Variants in KCTD16 observed in about 807,000 individuals in gnomAD.
KCTD16 encodes potassium channel tetramerization domain containing 16, also known as BTB/POZ domain-containing protein KCTD16.
Under a neutral mutation model 33.2 loss-of-function variants are expected in KCTD16, and 13 were observed. The observed-to-expected ratio is 0.39, with a 90% CI of 0.25 to 0.62. The LOEUF is 0.62. Ranked by LOEUF, KCTD16 falls within the 20% of genes least tolerant of loss-of-function variation. KCTD16 has a pLI of 0.50. For missense variants in KCTD16, 441 were observed against 525.1 expected, an observed-to-expected ratio of 0.84 and a Z score of 1.57; for synonymous variants, 197 against 195.3, an observed-to-expected ratio of 1.01 and a Z score of -0.07.
intron 3 of KCTD16, among the ~76,000 whole-genome samples, chr5:144,219,959 C>T (rs937452589): frequency 3.3e-5 from 5 of 152,318 alleles, no homozygotes; most frequent in South Asian, 4.1e-4. Flanking sequence ...TAACTCTGCA[C>T]TGTTACTACA....
At chr5:144,406,743 C>G (rs1414030891) in intron 3 of KCTD16, among the ~76,000 whole-genome samples, 3 of 152,168 alleles carry the variant, frequency 2.0e-5, no homozygotes. Context: ...GTTAAAGCTA[C>G]TGAAAAATGG....
chr5:144,472,570 C>T (rs552180753), intron 3 of KCTD16, among the ~76,000 whole-genome samples: 39 of 152,290 alleles, frequency 2.6e-4, no homozygotes, highest in African/African-American at 8.9e-4. Context: ...GCAAGACTAG[C>T]TTCAGGTGTG....
At chr5:144,473,547 A>G (rs1392002600) in intron 3 of KCTD16, 113 bp from the exon 4 acceptor site, 4 of 1,110,238 alleles carry the variant, frequency 3.6e-6, no homozygotes, top group Non-Finnish European at 5.1e-6. Context: ...TTCTAAAAGC[A>G]TGGTTCTGCG....
At chr5:144,296,257 A>G (rs1485086186) in intron 3 of KCTD16, among the ~76,000 whole-genome samples, 1 of 152,226 alleles carries the variant, frequency 6.6e-6, no homozygotes, top group African/African-American at 2.4e-5. Flanking sequence ...GGAGCCAGCA[A>G]TAGCATCTGC....
At chr5:144,303,543 G>A (rs946370867) in intron 3 of KCTD16, among the ~76,000 whole-genome samples, 1 of 152,176 alleles carries the variant, frequency 6.6e-6, no homozygotes, top group Non-Finnish European at 1.5e-5. Flanking sequence ...TTTCAAACAT[G>A]ATTAAGCTTT....
chr5:144,409,130 A>G (rs1209604323), intron 3 of KCTD16, among the ~76,000 whole-genome samples: 1 of 152,192 alleles, frequency 6.6e-6, no homozygotes, highest in East Asian at 1.9e-4. Context: ...AATGAACTGG[A>G]AGTCAAGAGA....
intron 3 of KCTD16, among the ~76,000 whole-genome samples, chr5:144,240,879 C>T (rs772410873): frequency 7.9e-5 from 12 of 152,092 alleles, no homozygotes; most frequent in Non-Finnish European, 1.6e-4. Flanking sequence ...ACCAGGGGTA[C>T]TTGATGACAA....
At chr5:144,394,749 C>G (rs1318755554) in intron 3 of KCTD16, among the ~76,000 whole-genome samples, 3 of 152,182 alleles carry the variant, frequency 2.0e-5, no homozygotes, top group Non-Finnish European at 4.4e-5. Flanking sequence ...TCTCCTGCCA[C>G]CATGTGAAGA....
At chr5:144,226,959 A>T (rs1753951046) in intron 3 of KCTD16, among the ~76,000 whole-genome samples, 1 of 152,210 alleles carries the variant, frequency 6.6e-6, no homozygotes, top group South Asian at 2.1e-4. Flanking sequence ...TTTATGCATT[A>T]TTAATTTATT....
At chr5:144,311,395 T>A (rs1002098303) in intron 3 of KCTD16, among the ~76,000 whole-genome samples, 1 of 152,224 alleles carries the variant, frequency 6.6e-6, no homozygotes, top group African/African-American at 2.4e-5. Flanking sequence ...AGTGAAAGGA[T>A]AATTATTATT....
intron 3 of KCTD16, among the ~76,000 whole-genome samples, chr5:144,310,836 G>A (rs1475601857): frequency 1.3e-5 from 2 of 152,128 alleles, no homozygotes; most frequent in Admixed American, 1.3e-4. Flanking sequence ...AGACCTCAGG[G>A]TTCTGTTTAC....
chr5:144,400,513 A>C (rs1752679150), intron 3 of KCTD16, among the ~76,000 whole-genome samples: 1 of 152,186 alleles, frequency 6.6e-6, no homozygotes, highest in African/African-American at 2.4e-5. Flanking sequence ...TTTCAGGGAA[A>C]TAGGGGTGTG....
At chr5:144,330,096 C>A (rs926999988) in intron 3 of KCTD16, among the ~76,000 whole-genome samples, 1 of 151,990 alleles carries the variant, frequency 6.6e-6, no homozygotes. Flanking sequence ...GTACATTCCA[C>A]ATGGATAGTT....
chr5:144,335,193 A>T (rs1466911568), intron 3 of KCTD16, among the ~76,000 whole-genome samples: 1 of 152,204 alleles, frequency 6.6e-6, no homozygotes, highest in African/African-American at 2.4e-5. Context: ...AACTCCCATG[A>T]CATAGCATCA....
intron 3 of KCTD16, among the ~76,000 whole-genome samples, chr5:144,402,616 T>C (rs1476554932): frequency 6.6e-6 from 1 of 152,186 alleles, no homozygotes; most frequent in Non-Finnish European, 1.5e-5. Flanking sequence ...AAACGTTGTT[T>C]TGAAGATTTC....
intron 3 of KCTD16, among the ~76,000 whole-genome samples, chr5:144,432,545 A>G (rs1366563): frequency 0.016 from 2,383 of 152,258 alleles, 55 homozygotes; most frequent in African/African-American, 0.052. Flanking sequence ...ATCAATGACC[A>G]TAACATAGCA....
chr5:144,406,781 A>G, intron 3 of KCTD16, among the ~76,000 whole-genome samples: 1 of 152,202 alleles, frequency 6.6e-6, no homozygotes, highest in East Asian at 1.9e-4. Context: ...GACAGTGGAG[A>G]TTCCAACTAA....
At chr5:144,292,514 T>C (rs1755922158) in intron 3 of KCTD16, among the ~76,000 whole-genome samples, 1 of 152,176 alleles carries the variant, frequency 6.6e-6, no homozygotes, top group South Asian at 2.1e-4. Flanking sequence ...AAGAAATTGT[T>C]AGAGGTGAGC....
At chr5:144,337,494 T>C (rs1302932855) in intron 3 of KCTD16, among the ~76,000 whole-genome samples, 1 of 152,202 alleles carries the variant, frequency 6.6e-6, no homozygotes, top group Non-Finnish European at 1.5e-5. Context: ...GTAGGAAGCA[T>C]AAACATTTTT....
Sources: allele counts gnomAD v4.1 joint callset (sites outside exome capture counted in the v4.1 genomes callset), GRCh38; gene constraint gnomAD v4.1.1; transcripts MANE v1.5; gene names NCBI Gene and HGNC (gene_info 2026-07-23, HGNC 2026-07-21).